DCAF8L2: variants seen among roughly 807,000 people sequenced by gnomAD.
The protein encoded by DCAF8L2 is DDB1- and CUL4-associated factor 8-like protein 2.
For synonymous variants in DCAF8L2, 200 were observed against 190.9 expected, an observed-to-expected ratio of 1.05 and a Z score of -0.39; for missense variants, 430 against 490.7, an observed-to-expected ratio of 0.88 and a Z score of 1.17.
chrX:27,507,921 C>G, the DCAF8L2 span, among the ~76,000 whole-genome samples: 47 of 111,198 alleles, frequency 4.2e-4, no homozygotes, highest in African/African-American at 1.3e-3. Context: ...TACAGGGCCC[C>G]TCCGCCTCAG....
chrX:27,518,482 T>G, the DCAF8L2 span: 1 of 437,268 alleles, frequency 2.3e-6, no homozygotes, highest in South Asian at 3.2e-5. Flanking sequence ...GGCTCATGCC[T>G]GTAATCCAGC....
At chrX:27,731,954 C>A (rs1921228482) in intron 4 of DCAF8L2, among the ~76,000 whole-genome samples, 2 of 111,558 alleles carry the variant, frequency 1.8e-5, no homozygotes, top group Non-Finnish European at 3.8e-5. Flanking sequence ...GATGATACAA[C>A]TGGAAACGGG....
chrX:27,747,234 G>T lies in DCAF8L2; in HGVS notation c.339G>T (p.Arg113Ser). Reference protein sequence around the residue: ...YPLVGEEETEREEEDEEIQEE... With the variant: ...YPLVGEEETESEEEDEEIQEE... ...TAGTGGGAGAGGAGGAGACAGAAAGGGAGGAGGAAGACGAAGAGATACAAG... is the reference window on the plus strand; with the variant it reads ...TAGTGGGAGAGGAGGAGACAGAAAGTGAGGAGGAAGACGAAGAGATACAAG... Residue 113 changes from arginine to serine, a missense_variant, in exon 5 of 5, where the codon AGG (arginine) becomes AGT (serine). Arg to Ser is a moderately radical substitution (Grantham distance 110, BLOSUM62 -1). Transcript: ENST00000451261. 8.6e-7 allele frequency: 1 copy of T among 1,163,413 alleles called. No individual in the cohort carries two copies. Among genetic ancestry groups the T allele is most frequent in the Non-Finnish European group, 1.1e-6 (1 of 871,492 alleles).
chrX:27,500,120 G>T, the DCAF8L2 span, among the ~76,000 whole-genome samples: 1 of 111,585 alleles, frequency 9.0e-6, no homozygotes, highest in African/African-American at 3.3e-5. Context: ...GAGGAAAATA[G>T]GTAAAGGGAC....
chrX:27,646,058 A>G (rs764027146), intron 2 of DCAF8L2, among the ~76,000 whole-genome samples: 6 of 112,041 alleles, frequency 5.4e-5, no homozygotes, highest in Non-Finnish European at 9.4e-5. Context: ...AGAATTAGAA[A>G]AAAAAGTTTT....
chrX:27,703,795 C>T (rs1221775196), intron 3 of DCAF8L2, among the ~76,000 whole-genome samples: 1 of 109,859 alleles, frequency 9.1e-6, no homozygotes, highest in African/African-American at 3.3e-5. Flanking sequence ...AGGAATAAAT[C>T]TTTATATTTA....
At chrX:27,494,430 T>TA in the DCAF8L2 span, among the ~76,000 whole-genome samples, 184 of 109,292 alleles carry the variant, frequency 1.7e-3, no homozygotes, top group African/African-American at 4.8e-3. Context: ...AAATAAAAAT[T>TA]AAAAAAAAAG....
chrX:27,515,867 T>C, the DCAF8L2 span, among the ~76,000 whole-genome samples: 2 of 112,022 alleles, frequency 1.8e-5, no homozygotes, highest in African/African-American at 6.5e-5. Flanking sequence ...TTCCATAGGA[T>C]TCTGAAGCAT....
chrX:27,491,912 T>C, the DCAF8L2 span, among the ~76,000 whole-genome samples: 4 of 112,439 alleles, frequency 3.6e-5, no homozygotes, highest in Admixed American at 2.8e-4. Flanking sequence ...ATTTCAACTT[T>C]ATTGAAATAC....
chrX:27,562,062 T>A, the DCAF8L2 span, among the ~76,000 whole-genome samples: 2 of 112,319 alleles, frequency 1.8e-5, no homozygotes, highest in African/African-American at 6.5e-5. Flanking sequence ...CACATGCCTG[T>A]AAACACTTAC....
rs376748152 is a variant in DCAF8L2, at chrX:27,648,666, T to G, written c.-220+16666T>G. ...CACAATGAATATAGTTTTCTTACAA[T>G]TTTCACAATCTGTCTTTTTCAGTTG... On this transcript the variant is annotated intron_variant, in intron 2 of 4. Coordinates refer to ENST00000451261, the MANE Select transcript of DCAF8L2 (RefSeq NM_001353450.2). Among the ~76,000 whole-genome samples, 39 of 110,676 alleles carry G rather than the reference T, an allele frequency of 3.5e-4. No individual in the cohort carries two copies. The East Asian group carries it at 9.9e-3, about 28-fold the overall frequency.
chrX:27,613,566 C>T (rs2147141348), intron 1 of DCAF8L2, among the ~76,000 whole-genome samples: 1 of 111,213 alleles, frequency 9.0e-6, no homozygotes, highest in South Asian at 3.8e-4. Flanking sequence ...TTTGCCCATT[C>T]AGTATGATAT....
chrX:27,471,221 T>C, the DCAF8L2 span, among the ~76,000 whole-genome samples: 1 of 112,337 alleles, frequency 8.9e-6, no homozygotes, highest in African/African-American at 3.2e-5. Context: ...ATTTGAATTT[T>C]TGTGGTTCAA....
chrX:27,523,246 CA>C, the DCAF8L2 span, among the ~76,000 whole-genome samples: 1 of 111,751 alleles, frequency 8.9e-6, no homozygotes, highest in East Asian at 2.8e-4. Flanking sequence ...TGAACTTAGG[CA>C]GTTTGTTTCC....
intron 4 of DCAF8L2, among the ~76,000 whole-genome samples, chrX:27,742,038 T>G (rs1442759919): frequency 8.9e-6 from 1 of 112,161 alleles, no homozygotes; most frequent in East Asian, 2.8e-4. Flanking sequence ...TTCGTTATTT[T>G]AATATTGTTT....
chrX:27,589,177 C>T (rs763187267), upstream of DCAF8L2, among the ~76,000 whole-genome samples: 1 of 111,240 alleles, frequency 9.0e-6, no homozygotes, highest in African/African-American at 3.3e-5. Context: ...TTAACTATGC[C>T]TTGAATATAC....
At chrX:27,500,155 TTACAGA>T in the DCAF8L2 span, among the ~76,000 whole-genome samples, 3 of 111,813 alleles carry the variant, frequency 2.7e-5, no homozygotes, top group Non-Finnish European at 5.6e-5. Context: ...GTATTATCTC[TTACAGA>T]TACTTGTGAA....
chrX:27,497,091 G>A, the DCAF8L2 span, among the ~76,000 whole-genome samples: 1 of 111,494 alleles, frequency 9.0e-6, no homozygotes, highest in Non-Finnish European at 1.9e-5. Context: ...AGGGAGGTGG[G>A]TGTGCTTATG....
the DCAF8L2 span, among the ~76,000 whole-genome samples, chrX:27,476,828 T>C: frequency 8.9e-6 from 1 of 112,078 alleles, no homozygotes; most frequent in Admixed American, 9.5e-5. Context: ...TCTTGCAGCA[T>C]TGTTTTTCTT....
Sources: allele counts gnomAD v4.1 joint callset (sites outside exome capture counted in the v4.1 genomes callset), GRCh38; gene constraint gnomAD v4.1.1; transcripts MANE v1.5; gene names NCBI Gene and HGNC (gene_info 2026-07-23, HGNC 2026-07-21).